The following AGBL4 variants were observed in gnomAD, a reference collection of about 807,000 sequenced individuals.
AGBL4 encodes the protein AGBL carboxypeptidase 4.
In AGBL4, 58 loss-of-function variants were observed where a neutral mutation model predicts 66.4. That is an observed-to-expected ratio of 0.87 (90% CI 0.71 to 1.09). AGBL4 has a LOEUF of 1.09. Ranked by LOEUF, AGBL4 falls within the 50% of genes least tolerant of loss-of-function variation. The pLI is 0.00. For synonymous variants in AGBL4, 234 were observed against 222.9 expected (o/e 1.05, Z -0.44); for missense variants, 579 against 631.0 (o/e 0.92, Z 0.88).
rs1016438035 is a variant in AGBL4, at chr1:49,929,347, C to A, written c.35-77829G>T. On this transcript the variant is annotated intron_variant, in intron 1 of 13. Transcript: ENST00000371839. Reference sequence around the variant, plus strand: ...TTGAAAAAAAAATCCTAAAGCAACCCCAAAAAAGGACACATTATTCACAGA... The same window carrying A: ...TTGAAAAAAAAATCCTAAAGCAACCACAAAAAAGGACACATTATTCACAGA... Among the ~76,000 whole-genome samples the A allele has an allele frequency of 1.3e-5, 2 of 150,734 alleles. 1 individual carries two copies. The highest frequency in any genetic ancestry group is 4.9e-5 in the African/African-American group (2 of 41,056).
intron 6 of AGBL4, among the ~76,000 whole-genome samples, chr1:48,848,911 G>C (rs1570821135): frequency 6.6e-6 from 1 of 152,228 alleles, no homozygotes; most frequent in African/African-American, 2.4e-5. Context: ...CTAAAAGAAA[G>C]ATGGCAGCAC....
At chr1:49,755,810 G>A (rs1403510384) in intron 2 of AGBL4, among the ~76,000 whole-genome samples, 1 of 152,156 alleles carries the variant, frequency 6.6e-6, no homozygotes. Context: ...TCACCTAATT[G>A]TTGCCACCAA....
chr1:49,709,185 C>A (rs1377152259), intron 2 of AGBL4, among the ~76,000 whole-genome samples: 2 of 152,184 alleles, frequency 1.3e-5, no homozygotes, highest in Non-Finnish European at 2.9e-5. Flanking sequence ...GACCTCTGTC[C>A]CAGAAAGATG....
chr1:49,529,641 C>A (rs1650939273), intron 3 of AGBL4, among the ~76,000 whole-genome samples: 1 of 152,098 alleles, frequency 6.6e-6, no homozygotes, highest in African/African-American at 2.4e-5. Context: ...TGTGCCACTA[C>A]ACTTCAGCCT....
At chr1:49,291,113 C>T (rs1375368558) in intron 3 of AGBL4, among the ~76,000 whole-genome samples, 1 of 152,124 alleles carries the variant, frequency 6.6e-6, no homozygotes, top group South Asian at 2.1e-4. Flanking sequence ...TTTTTGGTAT[C>T]CAAGGAGGTC....
intron 6 of AGBL4, chr1:48,761,390 C>A: frequency 6.4e-7 from 1 of 1,551,896 alleles, no homozygotes. Flanking sequence ...ACCTCTCCAT[C>A]TTCTTCTACA....
chr1:49,350,723 C>T (rs530507029), intron 3 of AGBL4, among the ~76,000 whole-genome samples: 3 of 152,278 alleles, frequency 2.0e-5, no homozygotes, highest in East Asian at 3.9e-4. Flanking sequence ...GTGTACACTG[C>T]ACCCAATGTG....
chr1:49,259,664 T>C (rs1652915735), intron 3 of AGBL4, among the ~76,000 whole-genome samples: 2 of 126,898 alleles, frequency 1.6e-5, no homozygotes, highest in Non-Finnish European at 3.3e-5. Context: ...AAGCAAGTCC[T>C]GAGTGACCTA....
intron 2 of AGBL4, among the ~76,000 whole-genome samples, chr1:49,781,582 G>T (rs1644338664): frequency 6.6e-6 from 1 of 152,010 alleles, no homozygotes; most frequent in African/African-American, 2.4e-5. Flanking sequence ...TCAATGAGGG[G>T]TAGGAAAATT....
intron 6 of AGBL4, among the ~76,000 whole-genome samples, chr1:48,735,846 A>G (rs1461103690): frequency 1.8e-4 from 27 of 151,924 alleles, no homozygotes; most frequent in Admixed American, 1.8e-3. Context: ...TTCTGCCTCC[A>G]GAAGAGCAAT....
rs180763531 is a variant in AGBL4 at position 49,652,846 on chromosome 1, A to C, written c.282+44467T>G. Among the ~76,000 whole-genome samples, 283 of 152,298 alleles carry C rather than the reference A, an allele frequency of 1.9e-3. 2 individuals are homozygous for C. Among genetic ancestry groups the C allele is most frequent in the African/African-American group, 6.4e-3 (268 of 41,572 alleles). ...ATCCCTGAGAGAAGCTCCTAGGAAG[A>C]GGGGCGGCTGCAGTATTGTCAATCA... On this transcript the variant is annotated intron_variant, in intron 3 of 13. Coordinates refer to ENST00000371839, the MANE Select transcript of AGBL4 (RefSeq NM_032785.4).
intron 4 of AGBL4, among the ~76,000 whole-genome samples, chr1:49,081,944 A>G (rs970213989): frequency 4.6e-5 from 7 of 152,180 alleles, no homozygotes; most frequent in Non-Finnish European, 1.0e-4. Flanking sequence ...TTTAAAAAGA[A>G]GGCTGGATTT....
intron 4 of AGBL4, among the ~76,000 whole-genome samples, chr1:49,109,384 C>T (rs1296490828): frequency 6.6e-6 from 1 of 152,140 alleles, no homozygotes; most frequent in Non-Finnish European, 1.5e-5. Flanking sequence ...CCCTCAGTCC[C>T]TGCTAGAATC....
chr1:49,878,192 C>A (rs1647085694), intron 1 of AGBL4, among the ~76,000 whole-genome samples: 1 of 146,138 alleles, frequency 6.8e-6, no homozygotes, highest in South Asian at 2.2e-4. Flanking sequence ...TATTTCTTGC[C>A]TTCTGCTAGC....
In AGBL4 at chr1:48,736,062, T is replaced by C. The variant is rs1315937108; in HGVS notation, c.635-72821A>G. Among the ~76,000 whole-genome samples, 1 of 152,220 alleles carries C rather than the reference T, an allele frequency of 6.6e-6. No homozygotes were observed. The highest frequency in any genetic ancestry group is 2.4e-5 in the African/African-American group (1 of 41,464). On this transcript the variant is annotated intron_variant, in intron 6 of 13. Coordinates refer to ENST00000371839, the MANE Select transcript of AGBL4 (RefSeq NM_032785.4). This position sits in a 1 kb window ranked among gnomAD's most constrained non-coding sequence, Gnocchi z 4.0. ...ACTTGTGTCCACAGCTCATCTGCCC[T>C]GGTAAATGTGAGCTCTTCTGGGGCA...
At chr1:49,152,780 A>G (rs1364267762) in intron 4 of AGBL4, among the ~76,000 whole-genome samples, 1 of 152,260 alleles carries the variant, frequency 6.6e-6, no homozygotes, top group Non-Finnish European at 1.5e-5. Context: ...TATGCCAAGA[A>G]GCTACCTGGG....
intron 1 of AGBL4, among the ~76,000 whole-genome samples, chr1:49,950,266 T>C (rs551263648): frequency 2.0e-5 from 3 of 150,604 alleles, no homozygotes; most frequent in Admixed American, 1.3e-4. Flanking sequence ...GTGGATAAGA[T>C]TGGAGAGTAT....
chr1:49,054,835 C>T lies in AGBL4; in HGVS notation c.378-9035G>A, dbSNP rs536291662. ...TTTTTTAATCTACATTGATTTTGTA[C>T]TTTTTCTTTATTATTGTTAATGAGA... On this transcript the variant is annotated intron_variant, in intron 4 of 13. Transcript: ENST00000371839. 1.3e-3 allele frequency among the ~76,000 whole-genome samples: 193 copies of T among 151,888 alleles called. 7 individuals carry two copies. The South Asian group carries it at 0.039, about 31-fold the overall frequency.
chr1:49,793,465 T>C (rs1011322443), intron 2 of AGBL4, among the ~76,000 whole-genome samples: 2 of 151,918 alleles, frequency 1.3e-5, no homozygotes, highest in African/African-American at 4.8e-5. Flanking sequence ...ATAATAGAAC[T>C]GAAGAAAAGC....
Sources: allele counts gnomAD v4.1 joint callset (sites outside exome capture counted in the v4.1 genomes callset), GRCh38; gene constraint gnomAD v4.1.1; non-coding constraint Gnocchi (gnomAD v3.1); transcripts MANE v1.5; gene names NCBI Gene and HGNC (gene_info 2026-07-23, HGNC 2026-07-21).